Variants in PLCG1 observed in about 807,000 individuals in gnomAD.
The protein encoded by PLCG1 is phospholipase C gamma 1, also known as 1-phosphatidylinositol 4,5-bisphosphate phosphodiesterase gamma-1.
PLCG1 carries 71 observed loss-of-function variants against 177.8 expected under a neutral mutation model. The observed-to-expected ratio is 0.40, with a 90% CI of 0.33 to 0.49. The LOEUF is 0.49. PLCG1 is among the 20% of genes least tolerant of loss of function. The probability of loss-of-function intolerance (pLI) is 0.72; values close to 1 mark genes in which losing one functional copy is unlikely to be tolerated. For synonymous variants in PLCG1, 658 were observed against 647.9 expected (o/e 1.02, Z -0.24); for missense variants, 1,281 against 1,709.0 (o/e 0.75, Z 4.42).
At position 41,164,947 on chromosome 20, in the gene PLCG1, T is replaced by C. The variant is rs373972267; in HGVS notation, c.1232T>C (p.Leu411Pro). Residue 411 changes from leucine (L) to proline (P), a missense_variant, in exon 13 of 32, where the codon CTG becomes CCG. Physicochemically the swap from Leu to Pro is moderately conservative, Grantham distance 98. Transcript: ENST00000685551. This position sits in a 1 kb window ranked among gnomAD's most constrained non-coding sequence, Gnocchi z 6.4. ...CCATCCCGCAGGTACCCAGTCATCCTGTCCATTGAGGACCACTGCAGCATT... is the reference window on the plus strand; with the variant it reads ...CCATCCCGCAGGTACCCAGTCATCCCGTCCATTGAGGACCACTGCAGCATT... ...AFVASEYPVILSIEDHCSIAQ... is the reference protein window; with the variant it reads ...AFVASEYPVIPSIEDHCSIAQ... 1 of 1,613,908 alleles carries C rather than the reference T, an allele frequency of 6.2e-7. No homozygotes were observed. The highest frequency in any genetic ancestry group is 8.5e-7 in the Non-Finnish European group (1 of 1,179,926).
chr20:41,149,905 A>AT (rs1234109490), intron 1 of PLCG1, among the ~76,000 whole-genome samples: 3 of 152,176 alleles, frequency 2.0e-5, no homozygotes, highest in Non-Finnish European at 4.4e-5. Flanking sequence ...TAGATAAGTG[A>AT]TTTATGGGTC....
rs559880157 is a variant in PLCG1, at chr20:41,144,693, A to G, written c.217+6835A>G. Among the ~76,000 whole-genome samples the G allele has an allele frequency of 1.9e-4, 29 of 152,300 alleles. No homozygotes were observed. In the South Asian group the frequency reaches 3.3e-3, roughly 17 times the overall value. On this transcript the variant is annotated intron_variant, in intron 1 of 31. Transcript: ENST00000685551. The surrounding 1 kb of genome is among the most constrained non-coding windows in gnomAD (Gnocchi z 4.1). Reference sequence around the variant, plus strand: ...GGATTCTCTATGACAACTCAAGAGCATGCATTCATTCATGTGCTCTTTAAT... The same window carrying G: ...GGATTCTCTATGACAACTCAAGAGCGTGCATTCATTCATGTGCTCTTTAAT...
intron 23 of PLCG1, 147 bp from the exon 24 acceptor site, chr20:41,169,965 C>A: frequency 1.4e-6 from 1 of 725,194 alleles, no homozygotes; most frequent in Admixed American, 2.6e-5. Context: ...GTCAAATGGG[C>A]CAGCAGAGTA....
Position 41,166,905 on chromosome 20 carries a change from G to T in PLCG1, c.2301+46G>T. 1.3e-6 allele frequency: 2 copies of T among 1,559,322 alleles called. No individual in the cohort carries two copies. Among genetic ancestry groups the T allele is most frequent in the South Asian group, 2.2e-5 (2 of 89,422 alleles). ...GGGGCATGGCAGGGGAGGCAGGAGA[G>T]ACCCAGAATCTTACCAGTCTCTGGA... On this transcript the variant is annotated intron_variant, in intron 19 of 31. Coordinates refer to ENST00000685551, the MANE Select transcript of PLCG1 (RefSeq NM_002660.3). This position sits in a 1 kb window ranked among gnomAD's most constrained non-coding sequence, Gnocchi z 8.6.
At position 41,157,395 on chromosome 20, in the gene PLCG1, T is replaced by C. The variant is rs944689821; in HGVS notation, c.218-2211T>C. Among the ~76,000 whole-genome samples the C allele has an allele frequency of 1.3e-5, 2 of 152,134 alleles. No homozygotes were observed. Among genetic ancestry groups the C allele is most frequent in the African/African-American group, 4.8e-5 (2 of 41,420 alleles). ...TTCCCCTGATGGAAGCTCCTCCTTC[T>C]GTCATTGGAAGCCCTGTGTTCTCGG... On this transcript the variant is annotated intron_variant, in intron 1 of 31. Transcript: ENST00000685551. The surrounding 1 kb of genome is among the most constrained non-coding windows in gnomAD (Gnocchi z 5.4).
In PLCG1 at chr20:41,150,111, C is replaced by T. The variant is rs2035121153; in HGVS notation, c.218-9495C>T. 6.6e-6 allele frequency among the ~76,000 whole-genome samples: 1 copy of T among 152,082 alleles called. No individual in the cohort carries two copies. ...GGCCAAGGTGGGAGGATCACCTGCA[C>T]CTGGGGAGGTAGAGGCTACAGTGAG... On this transcript the variant is annotated intron_variant, in intron 1 of 31. Transcript: ENST00000685551. The surrounding 1 kb of genome is among the most constrained non-coding windows in gnomAD (Gnocchi z 4.0).
chr20:41,165,421 C>T lies in PLCG1; in HGVS notation c.1510-29C>T. 6.2e-7 allele frequency: 1 copy of T among 1,613,756 alleles called. No individual in the cohort carries two copies. Among genetic ancestry groups the T allele is most frequent in the Non-Finnish European group, 8.5e-7 (1 of 1,179,724 alleles). On this transcript the variant is annotated intron_variant, in intron 14 of 31. Coordinates refer to ENST00000685551, the MANE Select transcript of PLCG1 (RefSeq NM_002660.3). This position sits in a 1 kb window ranked among gnomAD's most constrained non-coding sequence, Gnocchi z 6.6. ...AGGCCAGTGGGTGTGAGGACCCTGG[C>T]TCACAAGTCCCTCTTTGGTCTGTTC...
In PLCG1 at chr20:41,164,344, C is replaced by T. The variant is rs2035611779; in HGVS notation, c.1217+143C>T. 9 of 789,484 alleles carry T rather than the reference C, an allele frequency of 1.1e-5. No individual in the cohort carries two copies. Among genetic ancestry groups the T allele is most frequent in the South Asian group, 8.5e-5 (5 of 58,506 alleles). The allele number at this position is 789,484 out of a possible 1,614,324, so 48.9% of individuals were successfully genotyped here. A position where few individuals can be genotyped will look rare whatever the true frequency, so the allele number is the denominator to read the frequency against. Reference sequence around the variant, plus strand: ...TTTGTCCTTCCTCTTGGCCTCTCCTCGTCACCTGCTCCCTGCTTGAGCTGT... The same window carrying T: ...TTTGTCCTTCCTCTTGGCCTCTCCTTGTCACCTGCTCCCTGCTTGAGCTGT... On this transcript the variant is annotated intron_variant, in intron 12 of 31. Transcript: ENST00000685551. The surrounding 1 kb of genome is among the most constrained non-coding windows in gnomAD (Gnocchi z 6.4).
At position 41,173,812 on chromosome 20, in the gene PLCG1, A is replaced by G. The variant is rs775942081; in HGVS notation, c.3555A>G (p.Thr1185=). 17 of 1,613,312 alleles carry G rather than the reference A, an allele frequency of 1.1e-5. No individual in the cohort carries two copies. Among genetic ancestry groups the G allele is most frequent in the Non-Finnish European group, 1.4e-5 (17 of 1,179,546 alleles). The change falls in exon 29 of 32, where the codon ACA becomes ACG. Residue 1185 remains threonine (T), a splice_region_variant and synonymous_variant. Coordinates refer to ENST00000685551, the MANE Select transcript of PLCG1 (RefSeq NM_002660.3). The surrounding 1 kb of genome is among the most constrained non-coding windows in gnomAD (Gnocchi z 6.2). The stretch of plus-strand genomic sequence containing the variant: ...CTTTCCCAGTAAAAGGCCTGAAGAC[A>G]GGTGAGGACCATTCCTGGAGGCAGT... ...QATFPVKGLK[T]GYRAVPLKNN...
Position 41,159,198 on chromosome 20 carries a change from T to C in PLCG1, c.218-408T>C, listed in dbSNP as rs1202159495. Reference sequence around the variant, plus strand: ...TCTCCCAGGGATCCTGAGGCCCATCTTGACCTACCCAGCCCTGCCTCTGGG... The same window carrying C: ...TCTCCCAGGGATCCTGAGGCCCATCCTGACCTACCCAGCCCTGCCTCTGGG... On this transcript the variant is annotated intron_variant, in intron 1 of 31. Coordinates refer to ENST00000685551, the MANE Select transcript of PLCG1 (RefSeq NM_002660.3). This position sits in a 1 kb window ranked among gnomAD's most constrained non-coding sequence, Gnocchi z 6.0. 6.6e-6 allele frequency among the ~76,000 whole-genome samples: 1 copy of C among 152,234 alleles called. No homozygotes were observed. The highest frequency in any genetic ancestry group is 1.5e-5 in the Non-Finnish European group (1 of 68,030).
At chr20:41,149,789 A>C (rs959128934) in intron 1 of PLCG1, among the ~76,000 whole-genome samples, 1 of 152,214 alleles carries the variant, frequency 6.6e-6, no homozygotes, top group Non-Finnish European at 1.5e-5. Context: ...ACAAAGAAGC[A>C]TGAAAACCAG....
Position 41,165,507 on chromosome 20 carries a change from A to G in PLCG1, c.1567A>G (p.Thr523Ala). The change falls in exon 15 of 32, where the codon ACC (threonine) becomes GCC (alanine). Residue 523 changes from threonine to alanine, a missense_variant. Around this residue, in one of 4 missense-constraint regions of PLCG1, gnomAD observed 723 missense variants for 1,030.0 expected, o/e 0.70. Coordinates refer to ENST00000685551, the MANE Select transcript of PLCG1 (RefSeq NM_002660.3). The surrounding 1 kb of genome is among the most constrained non-coding windows in gnomAD (Gnocchi z 6.6). ...CAGCAAGATCTACTACTCTGAGGAG[A>G]CCAGCAGTGACCAGGGCAACGAGGA... is the stretch of plus-strand genomic sequence containing the variant. ...TSSKIYYSEETSSDQGNEDEE... is the reference protein window; with the variant it reads ...TSSKIYYSEEASSDQGNEDEE... 1 of 1,613,964 alleles carries G rather than the reference A, an allele frequency of 6.2e-7. No individual in the cohort carries two copies. The highest frequency in any genetic ancestry group is 8.5e-7 in the Non-Finnish European group (1 of 1,179,928).
At chr20:41,161,201 G>C (rs1387213069) in intron 4 of PLCG1, among the ~76,000 whole-genome samples, 1 of 152,132 alleles carries the variant, frequency 6.6e-6, no homozygotes, top group African/African-American at 2.4e-5. Flanking sequence ...GGTAAGAGGA[G>C]AACCCCCAGA....
chr20:41,143,451 A>G (rs1360208501), intron 1 of PLCG1, among the ~76,000 whole-genome samples: 2 of 152,056 alleles, frequency 1.3e-5, no homozygotes, highest in Non-Finnish European at 2.9e-5. Context: ...CTGTGAGGAG[A>G]GTCCTAGGAG....
At chr20:41,155,399 G>C (rs1385264593) in intron 1 of PLCG1, among the ~76,000 whole-genome samples, 1 of 152,214 alleles carries the variant, frequency 6.6e-6, no homozygotes, top group African/African-American at 2.4e-5. Flanking sequence ...GAGGACTGCA[G>C]ACTTGCCAAG....
chr20:41,137,754 T>C lies in PLCG1; in HGVS notation c.113T>C (p.Phe38Ser). Residue 38 changes from phenylalanine to serine, a missense_variant, in exon 1 of 32, where the codon TTC becomes TCC. Phe to Ser is a radical substitution (Grantham distance 155). Transcript: ENST00000685551. The surrounding 1 kb of genome is among the most constrained non-coding windows in gnomAD (Gnocchi z 7.3). Reference protein sequence around the residue: ...SLEVGTVMTLFYSKKSQRPER... With the variant: ...SLEVGTVMTLSYSKKSQRPER... ...GAGGTGGGCACCGTCATGACTTTGT[T>C]CTACTCCAAGAAGTCGCAGCGACCC... is the stretch of plus-strand genomic sequence containing the variant. 7.7e-7 allele frequency: 1 copy of C among 1,292,796 alleles called. No homozygotes were observed. The highest frequency in any genetic ancestry group is 3.1e-5 in the South Asian group (1 of 32,188). 80.1% of individuals were successfully genotyped at this position (1,292,796 alleles called of 1,614,324 possible).
intron 1 of PLCG1, among the ~76,000 whole-genome samples, chr20:41,141,335 T>C (rs3795131): frequency 0.43 from 65,320 of 152,192 alleles, 16,067 homozygotes; most frequent in East Asian, 0.8. Context: ...TTTAGGGAAA[T>C]GAAAACAGGC....
At chr20:41,154,589 C>T in intron 1 of PLCG1, among the ~76,000 whole-genome samples, 1 of 151,828 alleles carries the variant, frequency 6.6e-6, no homozygotes, top group African/African-American at 2.4e-5. Flanking sequence ...GAGCTAGTGG[C>T]AGGCCTGTGA....
In PLCG1 at chr20:41,163,295, G is replaced by A; in HGVS notation, c.789+20G>A. ...CAGGGGGTATGGCTGGGCTGACATTGGCCCAGGCTGGTAGGTTGTGGGGGG... is the reference window on the plus strand; with the variant it reads ...CAGGGGGTATGGCTGGGCTGACATTAGCCCAGGCTGGTAGGTTGTGGGGGG... On this transcript the variant is annotated intron_variant, in intron 8 of 31. Coordinates refer to ENST00000685551, the MANE Select transcript of PLCG1 (RefSeq NM_002660.3). The surrounding 1 kb of genome is among the most constrained non-coding windows in gnomAD (Gnocchi z 5.2). 2 of 1,580,130 alleles carry A rather than the reference G, an allele frequency of 1.3e-6. No homozygotes were observed. The highest frequency in any genetic ancestry group is 2.3e-5 in the South Asian group (2 of 87,138).
Sources: allele counts gnomAD v4.1 joint callset (sites outside exome capture counted in the v4.1 genomes callset), GRCh38; gene constraint gnomAD v4.1.1; regional missense constraint gnomAD v4.1.1; non-coding constraint Gnocchi (gnomAD v3.1); transcripts MANE v1.5; gene names NCBI Gene and HGNC (gene_info 2026-07-23, HGNC 2026-07-21).